C1orf87: variants seen among roughly 807,000 people sequenced by gnomAD.
C1orf87 encodes chromosome 1 open reading frame 87, also known as uncharacterized protein C1orf87.
C1orf87 carries 58 observed loss-of-function variants against 60.5 expected under a neutral mutation model. The ratio of observed to expected loss-of-function variants is 0.96; its 90% confidence interval spans 0.78 to 1.19. The LOEUF is 1.19. Ranked by LOEUF, C1orf87 falls within the 50% of genes most tolerant of loss-of-function variation. The pLI is 0.00. For synonymous variants in C1orf87, 236 were observed against 227.4 expected, an observed-to-expected ratio of 1.04 and a Z score of -0.34; for missense variants, 673 against 638.6, an observed-to-expected ratio of 1.05 and a Z score of -0.58.
intron 4 of C1orf87, among the ~76,000 whole-genome samples, chr1:60,040,563 G>A (rs572167249): frequency 6.6e-6 from 1 of 152,252 alleles, no homozygotes; most frequent in South Asian, 2.1e-4. Context: ...TCTAGACCCT[G>A]ACTGAGTTAA....
At position 59,997,670 on chromosome 1, in the gene C1orf87, C is replaced by T. The variant is rs149445455; in HGVS notation, c.1419G>A (p.Thr473=). 3.0e-5 allele frequency: 49 copies of T among 1,613,864 alleles called. No homozygotes were observed. Among genetic ancestry groups the T allele is most frequent in the African/African-American group, 2.8e-4 (21 of 74,902 alleles). ...CCAGCTTCCTGAACCTGTCTATCCA[C>T]GTCTCACATTCCTCAGCCTTGTTCT... The part of the protein sequence containing the change: ...AVKNKAEECE[T]WIDRFRKLEN... Residue 473 remains threonine (T), a synonymous_variant, in exon 11 of 12, where the codon ACG becomes ACA. Transcript: ENST00000371201.
intron 3 of C1orf87, among the ~76,000 whole-genome samples, chr1:60,051,484 C>T (rs1047165087): frequency 1.3e-5 from 2 of 152,122 alleles, no homozygotes; most frequent in African/African-American, 4.8e-5. Context: ...GAAGAGCTCG[C>T]TGGATTCAGA....
intron 8 of C1orf87, among the ~76,000 whole-genome samples, chr1:60,023,749 A>G (rs538107418): frequency 1.3e-5 from 2 of 152,158 alleles, no homozygotes; most frequent in African/African-American, 2.4e-5. Context: ...CCTCCAGGCT[A>G]TCCCATTACA....
intron 2 of C1orf87, among the ~76,000 whole-genome samples, chr1:60,065,355 C>T (rs1174004381): frequency 6.6e-6 from 1 of 151,824 alleles, no homozygotes; most frequent in Non-Finnish European, 1.5e-5. Flanking sequence ...CGGAGGAAGG[C>T]TGGGCTAGTC....
intron 3 of C1orf87, among the ~76,000 whole-genome samples, chr1:60,049,874 T>A (rs2100310799): frequency 6.6e-6 from 1 of 152,232 alleles, no homozygotes; most frequent in East Asian, 1.9e-4. Flanking sequence ...CTGTTTCTTA[T>A]TAATTTTCAA....
intron 2 of C1orf87, among the ~76,000 whole-genome samples, chr1:60,067,660 C>T (rs1645557461): frequency 6.7e-6 from 1 of 149,512 alleles, no homozygotes; most frequent in Non-Finnish European, 1.5e-5. Context: ...AATTTTCTCC[C>T]TTTCTGTAGG....
At chr1:60,050,699 C>T (rs1053076819) in intron 3 of C1orf87, among the ~76,000 whole-genome samples, 1 of 151,984 alleles carries the variant, frequency 6.6e-6, no homozygotes, top group African/African-American at 2.4e-5. Flanking sequence ...AGACAGTGGG[C>T]ACTCTTAACT....
At chr1:60,023,931 G>T (rs1321357311) in intron 8 of C1orf87, among the ~76,000 whole-genome samples, 1 of 152,166 alleles carries the variant, frequency 6.6e-6, no homozygotes, top group African/African-American at 2.4e-5. Flanking sequence ...GTTACATGTT[G>T]CAGGGGAGAA....
chr1:60,029,416 T>C (rs1645221211), intron 7 of C1orf87, among the ~76,000 whole-genome samples: 1 of 152,170 alleles, frequency 6.6e-6, no homozygotes, highest in South Asian at 2.1e-4. Flanking sequence ...TCTGATCATA[T>C]CATTCACTTG....
At chr1:59,998,194 C>G (rs1048639455) in intron 10 of C1orf87, among the ~76,000 whole-genome samples, 1 of 152,164 alleles carries the variant, frequency 6.6e-6, no homozygotes, top group African/African-American at 2.4e-5. Context: ...AGAAATACTT[C>G]TGGGTCATGA....
rs752217096 is a variant in C1orf87 at position 60,040,211 on chromosome 1, A to C, written c.484-31T>G. 5 of 1,589,194 alleles carry C rather than the reference A, an allele frequency of 3.1e-6. No homozygotes were observed. The South Asian group carries it at 4.6e-5, about 15-fold the overall frequency. ...ACAACAATGAAAAACAAAGAGCAAG[A>C]CTCTTCAATCAGCCGGCTAAAGACC... is the stretch of plus-strand genomic sequence containing the variant. On this transcript the variant is annotated intron_variant, in intron 4 of 11. Coordinates refer to ENST00000371201, the MANE Select transcript of C1orf87 (RefSeq NM_152377.3).
intron 2 of C1orf87, among the ~76,000 whole-genome samples, chr1:60,056,661 C>T (rs76596011): frequency 0.027 from 4,063 of 152,160 alleles, 88 homozygotes; most frequent in Non-Finnish European, 0.041. Context: ...ACAGTATCTC[C>T]GGGTGGTAGA....
chr1:59,997,127 A>T (rs1644968688), intron 11 of C1orf87, among the ~76,000 whole-genome samples: 1 of 152,166 alleles, frequency 6.6e-6, no homozygotes. Context: ...AAGAGCCCAG[A>T]TGAAAGGCTG....
intron 7 of C1orf87, among the ~76,000 whole-genome samples, chr1:60,026,563 A>G (rs1331521900): frequency 6.6e-6 from 1 of 151,370 alleles, no homozygotes. Context: ...CAAGGGAGGG[A>G]GAGAGAGAGA....
chr1:60,064,287 T>TGA (rs1557481459), intron 2 of C1orf87, among the ~76,000 whole-genome samples: 2,341 of 106,590 alleles, frequency 0.022, 82 homozygotes, highest in Middle Eastern at 0.032. Flanking sequence ...AAATTATATA[T>TGA]TATATATATA....
At chr1:59,998,503 G>A (rs1644979606) in intron 10 of C1orf87, among the ~76,000 whole-genome samples, 1 of 146,260 alleles carries the variant, frequency 6.8e-6, no homozygotes, top group Non-Finnish European at 1.5e-5. Context: ...GCCATATAAG[G>A]CATTCTGATC....
intron 7 of C1orf87, among the ~76,000 whole-genome samples, chr1:60,029,225 A>G (rs967292084): frequency 6.6e-6 from 1 of 152,076 alleles, no homozygotes; most frequent in African/African-American, 2.4e-5. Flanking sequence ...TTAGTCATCA[A>G]GACTTGCTTT....
At chr1:60,051,749 A>C (rs1311284652) in intron 3 of C1orf87, among the ~76,000 whole-genome samples, 1 of 152,232 alleles carries the variant, frequency 6.6e-6, no homozygotes, top group Non-Finnish European at 1.5e-5. Flanking sequence ...TGGTGAGACA[A>C]AATGGTGGTC....
rs899141047 is a variant in C1orf87, at chr1:60,041,204, GA to G, written c.343-74del. The G allele has an allele frequency of 3.0e-6, 4 of 1,333,132 alleles. No homozygotes were observed. In the African/African-American group the frequency reaches 4.4e-5, roughly 15 times the overall value. The allele number at this position is 1,333,132 out of a possible 1,614,324, so 82.6% of individuals were successfully genotyped here. ...GGGAAGAGAAAGAGGAAAGAATGGA[GA>G]AAATGAGTAAACCAACCAATTTATT... is the stretch of plus-strand genomic sequence containing the variant. On this transcript the variant is annotated intron_variant, in intron 3 of 11. Transcript: ENST00000371201.
Sources: gnomAD v4.1 joint callset for allele counts (sites outside exome capture counted in the v4.1 genomes callset) on GRCh38, gnomAD v4.1.1 for gene constraint, MANE v1.5 for transcripts, NCBI Gene and HGNC (gene_info 2026-07-23, HGNC 2026-07-21) for gene names.